SYT17: variants seen among roughly 807,000 people sequenced by gnomAD.
The protein encoded by SYT17 is synaptotagmin-17.
Under a neutral mutation model 46.7 loss-of-function variants are expected in SYT17, and 22 were observed. The ratio of observed to expected loss-of-function variants is 0.47; its 90% confidence interval spans 0.34 to 0.67. The LOEUF (loss-of-function observed/expected upper bound fraction) is 0.67, where lower values mean the gene tolerates loss of function less well. Ranked by LOEUF, SYT17 falls within the 30% of genes least tolerant of loss-of-function variation. The probability of loss-of-function intolerance (pLI) is 0.01; values close to 1 mark genes in which losing one functional copy is unlikely to be tolerated. For missense variants in SYT17, 519 were observed against 612.8 expected (o/e 0.85, Z 1.62); for synonymous variants, 251 against 248.4 (o/e 1.01, Z -0.10).
At position 19,234,565 on chromosome 16, in the gene SYT17, A is replaced by T. The variant is rs758501233; in HGVS notation, c.1228+9727A>T. On this transcript the variant is annotated intron_variant, in intron 7 of 7. Coordinates refer to ENST00000355377, the MANE Select transcript of SYT17 (RefSeq NM_016524.4). ...GCTCAATAAATGTGAAATATGATTG[A>T]TGATGATGATAATTGATGGACCCTG... Among the ~76,000 whole-genome samples the T allele has an allele frequency of 2.0e-4, 30 of 152,190 alleles. 1 individual carries two copies. The highest frequency in any genetic ancestry group is 2.9e-4 in the Non-Finnish European group (20 of 68,020).
chr16:19,230,351 G>A (rs145940237), intron 7 of SYT17, among the ~76,000 whole-genome samples: 4,918 of 151,638 alleles, frequency 0.032, 265 homozygotes, highest in African/African-American at 0.11. Flanking sequence ...AGGTTGCAAT[G>A]AGCCGAGATC....
At chr16:19,262,415 G>A (rs980638462) in intron 7 of SYT17, among the ~76,000 whole-genome samples, 1 of 152,162 alleles carries the variant, frequency 6.6e-6, no homozygotes, top group Non-Finnish European at 1.5e-5. Flanking sequence ...GGACTTCCTA[G>A]CTTCTGGAAC....
chr16:19,229,794 A>G (rs1966616369), intron 7 of SYT17, among the ~76,000 whole-genome samples: 1 of 152,240 alleles, frequency 6.6e-6, no homozygotes, highest in Non-Finnish European at 1.5e-5. Context: ...AACCACCAAC[A>G]GGTGGAAGCA....
intron 7 of SYT17, among the ~76,000 whole-genome samples, chr16:19,226,480 G>A (rs1966499877): frequency 6.6e-6 from 1 of 152,168 alleles, no homozygotes; most frequent in African/African-American, 2.4e-5. Context: ...TCTATCCTCT[G>A]AGACCCCTTC....
chr16:19,173,504 G>C lies in SYT17; in HGVS notation c.108G>C (p.Glu36Asp). The change falls in exon 3 of 8, where the codon GAG becomes GAC. Residue 36 changes from glutamate (E) to aspartate (D), a missense_variant. Glu to Asp is a conservative substitution (Grantham distance 45). Transcript: ENST00000355377. ...GGCACTGCTGTCAGAAGTGCTACGA[G>C]TCCAGCTGTTGCCAGTCAAGTGAGG... ...TCRHCCQKCY[E>D]SSCCQSSEDE... is the part of the protein sequence containing the mutation. The C allele has an allele frequency of 6.2e-7, 1 of 1,613,730 alleles. No individual in the cohort carries two copies. Among genetic ancestry groups the C allele is most frequent in the Non-Finnish European group, 8.5e-7 (1 of 1,180,006 alleles).
intron 5 of SYT17, among the ~76,000 whole-genome samples, chr16:19,204,018 A>G (rs1596945533): frequency 6.6e-6 from 1 of 152,324 alleles, no homozygotes; most frequent in African/African-American, 2.4e-5. Context: ...GAGCCGTTAC[A>G]AGACAAAAAA....
intron 5 of SYT17, among the ~76,000 whole-genome samples, chr16:19,209,682 A>G (rs148657135): frequency 0.045 from 6,854 of 151,714 alleles, 213 homozygotes; most frequent in South Asian, 0.079. Flanking sequence ...CATCCTGGCT[A>G]ACATGGTGAA....
chr16:19,215,835 A>G (rs1232867524), intron 5 of SYT17, among the ~76,000 whole-genome samples: 1 of 152,230 alleles, frequency 6.6e-6, no homozygotes, highest in African/African-American at 2.4e-5. Flanking sequence ...TAGACTTACA[A>G]TTCCACGTGG....
chr16:19,238,648 G>A (rs922583056), intron 7 of SYT17, among the ~76,000 whole-genome samples: 3 of 152,246 alleles, frequency 2.0e-5, no homozygotes, highest in Non-Finnish European at 4.4e-5. Context: ...TGACTCTGGT[G>A]CCTTTGGATG....
At chr16:19,242,184 C>G (rs1028666693) in intron 7 of SYT17, among the ~76,000 whole-genome samples, 3 of 152,166 alleles carry the variant, frequency 2.0e-5, no homozygotes, top group Admixed American at 1.3e-4. Flanking sequence ...AAAAATCCAT[C>G]CTTTCATGAC....
chr16:19,197,857 C>T (rs929019713), intron 5 of SYT17, among the ~76,000 whole-genome samples: 1 of 152,236 alleles, frequency 6.6e-6, no homozygotes, highest in Non-Finnish European at 1.5e-5. Flanking sequence ...TCCAATGTCA[C>T]ATGGCTTTCA....
chr16:19,243,818 TCAAAAAAAA>T (rs1967321548), intron 7 of SYT17, among the ~76,000 whole-genome samples: 1 of 21,382 alleles, frequency 4.7e-5, no homozygotes, highest in African/African-American at 1.0e-4. Flanking sequence ...AAAAACTCCA[TCAAAAAAAA>T]AAAAAAAAAA....
chr16:19,250,670 C>A (rs887346128), intron 7 of SYT17, among the ~76,000 whole-genome samples: 2 of 152,142 alleles, frequency 1.3e-5, no homozygotes, highest in Admixed American at 1.3e-4. Flanking sequence ...TTGCCTCAGC[C>A]TCCCACAGTG....
At chr16:19,176,805 C>T (rs1457762647) in intron 3 of SYT17, among the ~76,000 whole-genome samples, 1 of 152,170 alleles carries the variant, frequency 6.6e-6, no homozygotes, top group Non-Finnish European at 1.5e-5. Context: ...GTGAGAGCCG[C>T]GGCAACCGGC....
Position 19,168,534 on chromosome 16 carries a change from G to A in SYT17, c.-113G>A. 3 of 1,470,802 alleles carry A rather than the reference G, an allele frequency of 2.0e-6. No homozygotes were observed. Among genetic ancestry groups the A allele is most frequent in the Non-Finnish European group, 2.8e-6 (3 of 1,083,396 alleles). 91.1% of individuals were successfully genotyped at this position (1,470,802 alleles called of 1,614,324 possible). A position where few individuals can be genotyped will look rare whatever the true frequency, so the allele number is the denominator to read the frequency against. On this transcript the variant is annotated 5_prime_UTR_variant, in exon 1 of 8. Transcript: ENST00000355377. The surrounding 1 kb of genome is among the most constrained non-coding windows in gnomAD (Gnocchi z 6.9). The stretch of plus-strand genomic sequence containing the variant: ...CACGCCAGTCACGTCTGGGGCCACC[G>A]GCTGCCTTTTTCTTCCTTTCCCCCT...
intron 7 of SYT17, among the ~76,000 whole-genome samples, chr16:19,244,986 A>G (rs973815638): frequency 2.0e-5 from 3 of 152,140 alleles, no homozygotes; most frequent in African/African-American, 7.2e-5. Context: ...CTGCTCAGAT[A>G]CCCAAGGAGG....
At chr16:19,195,400 CTTT>C (rs35709095) in intron 5 of SYT17, among the ~76,000 whole-genome samples, 164 of 140,030 alleles carry the variant, frequency 1.2e-3, no homozygotes, top group African/African-American at 4.2e-3. Flanking sequence ...CAAAACAAAC[CTTT>C]TTTTTTTTTT....
intron 5 of SYT17, among the ~76,000 whole-genome samples, chr16:19,184,653 C>T (rs900234974): frequency 1.3e-5 from 2 of 151,954 alleles, no homozygotes; most frequent in East Asian, 1.9e-4. Flanking sequence ...TTTTTACATG[C>T]ATCACTCATG....
intron 3 of SYT17, among the ~76,000 whole-genome samples, chr16:19,179,168 C>T (rs1228947846): frequency 1.3e-5 from 2 of 152,154 alleles, no homozygotes; most frequent in African/African-American, 4.8e-5. Context: ...TGCTGTGTCA[C>T]CCAGGCTGGA....
Sources: allele counts gnomAD v4.1 joint callset (sites outside exome capture counted in the v4.1 genomes callset), GRCh38; gene constraint gnomAD v4.1.1; non-coding constraint Gnocchi (gnomAD v3.1); transcripts MANE v1.5; gene names NCBI Gene and HGNC (gene_info 2026-07-23, HGNC 2026-07-21).